Variants in C2CD4C observed in about 807,000 individuals in gnomAD.
The protein encoded by C2CD4C is C2 calcium dependent domain containing 4C, also known as C2 calcium-dependent domain-containing protein 4C.
In C2CD4C, 3 loss-of-function variants were observed where a neutral mutation model predicts 4.1. The observed-to-expected ratio is 0.73, with a 90% CI of 0.33 to 1.88. C2CD4C has a LOEUF of 1.88. Ranked by LOEUF, C2CD4C falls within the 40% of genes most tolerant of loss-of-function variation. The pLI, the probability that C2CD4C is intolerant of heterozygous loss-of-function variation, is 0.08. For synonymous variants in C2CD4C, 364 were observed against 290.4 expected, an observed-to-expected ratio of 1.25 and a Z score of -2.57; for missense variants, 664 against 621.5, an observed-to-expected ratio of 1.07 and a Z score of -0.73.
chr19:408,119 C>G lies in C2CD4C; in HGVS notation c.243G>C (p.Ala81=). 6.8e-7 allele frequency: 1 copy of G among 1,470,624 alleles called. No homozygotes were observed. The highest frequency in any genetic ancestry group is 1.4e-5 in the South Asian group (1 of 70,308). The allele number at this position is 1,470,624 out of a possible 1,614,324, so 91.1% of individuals were successfully genotyped here. A position where few individuals can be genotyped will look rare whatever the true frequency, so the allele number is the denominator to read the frequency against. The change falls in exon 2 of 2, where the codon GCG becomes GCC. Residue 81 remains alanine, a synonymous_variant. Coordinates refer to ENST00000332235, the MANE Select transcript of C2CD4C (RefSeq NM_001136263.2). ...PSTSEQNLAS[A]APRQTPRSPR... is the part of the protein sequence containing the mutation. ...GGCTCCGTGGGGTCTGGCGGGGGGCCGCAGAGGCCAGGTTCTGTTCCGACG... is the reference window on the plus strand; with the variant it reads ...GGCTCCGTGGGGTCTGGCGGGGGGCGGCAGAGGCCAGGTTCTGTTCCGACG...
At position 407,171 on chromosome 19, in the gene C2CD4C, C is replaced by T. The variant is rs1974004366; in HGVS notation, c.1191G>A (p.Lys397=). ...KLALRIKVVN[K]GSSLKRDTLL... ...GCGTGTCCCGCTTGAGGCTGCTGCCCTTGTTCACCACCTTGATCCTGAGGG... is the reference window on the plus strand; with the variant it reads ...GCGTGTCCCGCTTGAGGCTGCTGCCTTTGTTCACCACCTTGATCCTGAGGG... The change falls in exon 2 of 2, where the codon AAG becomes AAA. Residue 397 remains lysine (K), a synonymous_variant. Transcript: ENST00000332235. 6.5e-7 allele frequency: 1 copy of T among 1,550,252 alleles called. No individual in the cohort carries two copies. The highest frequency in any genetic ancestry group is 8.7e-7 in the Non-Finnish European group (1 of 1,146,880).
rs1389452982 is a variant in C2CD4C at position 408,320 on chromosome 19, C to G, written c.42G>C (p.Gly14=). 3 of 1,547,690 alleles carry G rather than the reference C, an allele frequency of 1.9e-6. No homozygotes were observed. ...CCCGGGCAGCACCGTTTTCCCCAGA[C>G]CCCCGAAGCCGCTCCAAGAACCACA... ...TNMWFLERLR[G]SGENGAARGV... Residue 14 remains glycine, a synonymous_variant, in exon 2 of 2, where the codon GGG becomes GGC. Coordinates refer to ENST00000332235, the MANE Select transcript of C2CD4C (RefSeq NM_001136263.2).
At chr19:408,756 A>G (rs968578963) in intron 1 of C2CD4C, among the ~76,000 whole-genome samples, 7 of 152,072 alleles carry the variant, frequency 4.6e-5, no homozygotes, top group Non-Finnish European at 1.0e-4. Flanking sequence ...CCAGGGGAAG[A>G]CACGGATGTG....
Position 407,400 on chromosome 19 carries a change from C to A in C2CD4C, c.962G>T (p.Arg321Leu). ...GGCGGCCAGCAGGTGCACCCGCAGG[C>A]GGGCCTGGCCGGCCTCGTACTCGGC... ...LLAEYEAGQA[R>L]LRVHLLAAEG... The change falls in exon 2 of 2, where the codon CGC (arginine) becomes CTC (leucine). Residue 321 changes from arginine (R) to leucine (L), a missense_variant. Arg to Leu is a moderately radical substitution (Grantham distance 102, BLOSUM62 -2). Coordinates refer to ENST00000332235, the MANE Select transcript of C2CD4C (RefSeq NM_001136263.2). The A allele has an allele frequency of 1.3e-6, 2 of 1,534,196 alleles. No individual in the cohort carries two copies. Among genetic ancestry groups the A allele is most frequent in the Non-Finnish European group, 1.7e-6 (2 of 1,144,254 alleles).
In C2CD4C at chr19:407,634, G is replaced by A. The variant is rs923395414; in HGVS notation, c.728C>T (p.Ala243Val). The A allele has an allele frequency of 4.7e-6, 7 of 1,476,368 alleles. No individual in the cohort carries two copies. The highest frequency in any genetic ancestry group is 2.9e-5 in the African/African-American group (2 of 68,344). The allele number at this position is 1,476,368 out of a possible 1,614,324, so 91.5% of individuals were successfully genotyped here. A position where few individuals can be genotyped will look rare whatever the true frequency, so the allele number is the denominator to read the frequency against. Residue 243 changes from alanine to valine, a missense_variant, in exon 2 of 2, where the codon GCC (alanine) becomes GTC (valine). Coordinates refer to ENST00000332235, the MANE Select transcript of C2CD4C (RefSeq NM_001136263.2). ...GCTCACCTTGGCCTGGCTGTCCTGGGCGAAACCTTTGAGCAGAGACACGGA... is the reference window on the plus strand; with the variant it reads ...GCTCACCTTGGCCTGGCTGTCCTGGACGAAACCTTTGAGCAGAGACACGGA... ...SRSVSLLKGF[A>V]QDSQAKVSQL...
In C2CD4C at chr19:407,577, G is replaced by A; in HGVS notation, c.785C>T (p.Ser262Phe). Residue 262 changes from serine to phenylalanine, a missense_variant, in exon 2 of 2, where the codon TCC becomes TTC. Physicochemically the swap from Ser to Phe is radical, Grantham distance 155 (BLOSUM62 -2). Transcript: ENST00000332235. The part of the protein sequence containing the change: ...QLRHSVGRHG[S>F]LSADDSTPDA... ...CGGGGTGCTGTCGTCCGCAGACAGG[G>A]AGCCGTGGCGGCCCACGGAGTGCCG... 7.0e-7 allele frequency: 1 copy of A among 1,426,776 alleles called. No homozygotes were observed. The highest frequency in any genetic ancestry group is 1.5e-5 in the South Asian group (1 of 66,152). The allele number at this position is 1,426,776 out of a possible 1,614,324, so 88.4% of individuals were successfully genotyped here.
chr19:407,033 G>T lies in C2CD4C; in HGVS notation c.*63C>A, dbSNP rs911857227. The T allele has an allele frequency of 9.8e-7, 1 of 1,025,026 alleles. No homozygotes were observed. The highest frequency in any genetic ancestry group is 1.3e-6 in the Non-Finnish European group (1 of 771,944). 63.5% of individuals were successfully genotyped at this position (1,025,026 alleles called of 1,614,324 possible). Reference sequence around the variant, plus strand: ...CCAGCGGACCCGCCCGCCAGCACCCGGTGTGGAGGAGAGACCGGGGTCTGC... The same window carrying T: ...CCAGCGGACCCGCCCGCCAGCACCCTGTGTGGAGGAGAGACCGGGGTCTGC... On this transcript the variant is annotated 3_prime_UTR_variant, in exon 2 of 2. Transcript: ENST00000332235.
In C2CD4C at chr19:407,246, G is replaced by A. The variant is rs979842692; in HGVS notation, c.1116C>T (p.Asn372=). The stretch of plus-strand genomic sequence containing the variant: ...CCAGGCCGTCGAAGAAGAAATCCTC[G>A]TTGAAGACGGGGCGGCGGCTGTTCT... ...IVKNSRRPVF[N]EDFFFDGLGP... Residue 372 remains asparagine (N), a synonymous_variant, in exon 2 of 2, where the codon AAC becomes AAT. Transcript: ENST00000332235. 13 of 1,550,122 alleles carry A rather than the reference G, an allele frequency of 8.4e-6. 1 individual carries two copies. The Middle Eastern group carries it at 5.0e-4, about 60-fold the overall frequency.
Position 407,535 on chromosome 19 carries a change from C to T in C2CD4C, c.827G>A (p.Ser276Asn), listed in dbSNP as rs1275259136. 7.2e-7 allele frequency: 1 copy of T among 1,387,170 alleles called. No homozygotes were observed. The highest frequency in any genetic ancestry group is 1.5e-5 in the African/African-American group (1 of 65,028). The allele number at this position is 1,387,170 out of a possible 1,614,324, so 85.9% of individuals were successfully genotyped here. A position where few individuals can be genotyped will look rare whatever the true frequency, so the allele number is the denominator to read the frequency against. The change falls in exon 2 of 2, where the codon AGC becomes AAC. Residue 276 changes from serine (S) to asparagine (N), a missense_variant. By Grantham distance (46) the Ser-to-Asn change is conservative (BLOSUM62 1). Coordinates refer to ENST00000332235, the MANE Select transcript of C2CD4C (RefSeq NM_001136263.2). ...TGCCCGGCGGGTCAGGCGGCGCCGGCTCCCGGGGCTGGCGTCCGGGGTGCT... is the reference window on the plus strand; with the variant it reads ...TGCCCGGCGGGTCAGGCGGCGCCGGTTCCCGGGGCTGGCGTCCGGGGTGCT... ...DDSTPDASPG[S>N]RRRLTRRAPP...
In C2CD4C at chr19:405,618, A is replaced by G. The variant is rs966632808; in HGVS notation, c.*1478T>C. 6.6e-6 allele frequency: 1 copy of G among 152,112 alleles called. No homozygotes were observed. Among genetic ancestry groups the G allele is most frequent in the Non-Finnish European group, 1.5e-5 (1 of 68,012 alleles). 9.4% of individuals were successfully genotyped at this position (152,112 alleles called of 1,614,324 possible). A position where few individuals can be genotyped will look rare whatever the true frequency, so the allele number is the denominator to read the frequency against. On this transcript the variant is annotated 3_prime_UTR_variant, in exon 2 of 2. Coordinates refer to ENST00000332235, the MANE Select transcript of C2CD4C (RefSeq NM_001136263.2). ...AGGGCCTGGGAGGGGTGAGCATCAG[A>G]GAAGGCGGGGAGCGCCGGCGTCTCT... is the stretch of plus-strand genomic sequence containing the variant.
At position 407,358 on chromosome 19, in the gene C2CD4C, C is replaced by T. The variant is rs1242830249; in HGVS notation, c.1004G>A (p.Arg335His). The T allele has an allele frequency of 1.0e-5, 16 of 1,544,902 alleles. No individual in the cohort carries two copies. Among genetic ancestry groups the T allele is most frequent in the Middle Eastern group, 1.7e-4 (1 of 5,990 alleles). Reference sequence around the variant, plus strand: ...GTTGATGCTGCGGGCGTCGCACAGGCGGTCGTAGAGGCCCTCGGCGGCCAG... The same window carrying T: ...GTTGATGCTGCGGGCGTCGCACAGGTGGTCGTAGAGGCCCTCGGCGGCCAG... Reference protein sequence around the residue: ...HLLAAEGLYDRLCDARSINCC... With the variant: ...HLLAAEGLYDHLCDARSINCC... Residue 335 changes from arginine to histidine, a missense_variant, in exon 2 of 2, where the codon CGC (arginine) becomes CAC (histidine). Coordinates refer to ENST00000332235, the MANE Select transcript of C2CD4C (RefSeq NM_001136263.2).
At position 407,170 on chromosome 19, in the gene C2CD4C, C is replaced by T; in HGVS notation, c.1192G>A (p.Gly398Ser). The change falls in exon 2 of 2, where the codon GGC (glycine) becomes AGC (serine). Residue 398 changes from glycine to serine, a missense_variant. Physicochemically the swap from Gly to Ser is moderately conservative, Grantham distance 56. Transcript: ENST00000332235. ...LALRIKVVNKGSSLKRDTLLG... is the reference protein window; with the variant it reads ...LALRIKVVNKSSSLKRDTLLG... ...AGCGTGTCCCGCTTGAGGCTGCTGCCCTTGTTCACCACCTTGATCCTGAGG... is the reference window on the plus strand; with the variant it reads ...AGCGTGTCCCGCTTGAGGCTGCTGCTCTTGTTCACCACCTTGATCCTGAGG... 7.7e-6 allele frequency: 12 copies of T among 1,550,238 alleles called. No homozygotes were observed. Among genetic ancestry groups the T allele is most frequent in the Non-Finnish European group, 1.0e-5 (12 of 1,146,874 alleles).
chr19:408,010 C>T lies in C2CD4C; in HGVS notation c.352G>A (p.Glu118Lys), dbSNP rs1974022221. 1 of 1,548,488 alleles carries T rather than the reference C, an allele frequency of 6.5e-7. No homozygotes were observed. The highest frequency in any genetic ancestry group is 1.7e-4 in the Middle Eastern group (1 of 5,812). ...TRHVIQIESA[E>K]DWLSEEATDA... is the part of the protein sequence containing the mutation. ...GTGGCCTCCTCGGACAGCCAGTCCT[C>T]GGCACTCTCGATCTGGATCACGTGC... Residue 118 changes from glutamate (E) to lysine (K), a missense_variant, in exon 2 of 2, where the codon GAG becomes AAG. By Grantham distance (56) the Glu-to-Lys change is moderately conservative. Coordinates refer to ENST00000332235, the MANE Select transcript of C2CD4C (RefSeq NM_001136263.2).
chr19:408,077 C>G lies in C2CD4C; in HGVS notation c.285G>C (p.Lys95Asn). The part of the protein sequence containing the change: ...QTPRSPRLPA[K>N]LAAESKSLLK... ...GCAGGCTCTTGCTCTCGGCTGCCAG[C>G]TTGGCAGGCAGCCGGGGGCTCCGTG... The change falls in exon 2 of 2, where the codon AAG (lysine) becomes AAC (asparagine). Residue 95 changes from lysine to asparagine, a missense_variant. Coordinates refer to ENST00000332235, the MANE Select transcript of C2CD4C (RefSeq NM_001136263.2). 6.6e-7 allele frequency: 1 copy of G among 1,504,928 alleles called. No homozygotes were observed. Among genetic ancestry groups the G allele is most frequent in the East Asian group, 2.5e-5 (1 of 40,478 alleles). The allele number at this position is 1,504,928 out of a possible 1,614,324, so 93.2% of individuals were successfully genotyped here.
In C2CD4C at chr19:406,990, G is replaced by A. The variant is rs543321893; in HGVS notation, c.*106C>T. On this transcript the variant is annotated 3_prime_UTR_variant, in exon 2 of 2. Transcript: ENST00000332235. Reference sequence around the variant, plus strand: ...CCAGCCTGAGTGTGAGCCCCTCCCCGGCCAGCCCCAGCCCAAGCCAGCGGA... The same window carrying A: ...CCAGCCTGAGTGTGAGCCCCTCCCCAGCCAGCCCCAGCCCAAGCCAGCGGA... The A allele has an allele frequency of 2.6e-4, 139 of 540,006 alleles. 5 individuals are homozygous for A. The highest frequency in any genetic ancestry group is 2.2e-3 in the African/African-American group (107 of 47,846). The allele number at this position is 540,006 out of a possible 1,614,324, so 33.5% of individuals were successfully genotyped here.
Position 407,025 on chromosome 19 carries a change from CAG to C in C2CD4C, c.*69_*70del. Reference sequence around the variant, plus strand: ...AGCCCAAGCCAGCGGACCCGCCCGCCAGCACCCGGTGTGGAGGAGAGACCGGG... The same window carrying C: ...AGCCCAAGCCAGCGGACCCGCCCGCCCACCCGGTGTGGAGGAGAGACCGGG... On this transcript the variant is annotated 3_prime_UTR_variant, in exon 2 of 2. Transcript: ENST00000332235. 3 of 1,411,212 alleles carry C rather than the reference CAG, an allele frequency of 2.1e-6. No individual in the cohort carries two copies. Among genetic ancestry groups the C allele is most frequent in the Non-Finnish European group, 2.8e-6 (3 of 1,066,862 alleles). 87.4% of individuals were successfully genotyped at this position (1,411,212 alleles called of 1,614,324 possible).
rs1005431890 is a variant in C2CD4C, at chr19:405,773, C to T, written c.*1323G>A. On this transcript the variant is annotated 3_prime_UTR_variant, in exon 2 of 2. Coordinates refer to ENST00000332235, the MANE Select transcript of C2CD4C (RefSeq NM_001136263.2). The stretch of plus-strand genomic sequence containing the variant: ...GGGCCTGCACTCTCCCTCTGGAGGG[C>T]TCACAGGTGTGTCCCACCGGACGTG... The T allele has an allele frequency of 6.6e-6, 1 of 152,278 alleles. No homozygotes were observed. The highest frequency in any genetic ancestry group is 1.5e-5 in the Non-Finnish European group (1 of 68,098). 9.4% of individuals were successfully genotyped at this position (152,278 alleles called of 1,614,324 possible).
Position 408,306 on chromosome 19 carries a change from C to A in C2CD4C, c.56G>T (p.Gly19Val). The change falls in exon 2 of 2, where the codon GGT (glycine) becomes GTT (valine). Residue 19 changes from glycine to valine, a missense_variant. Physicochemically the swap from Gly to Val is moderately radical, Grantham distance 109. Transcript: ENST00000332235. ...LERLRGSGEN[G>V]AARGVGSEAG... ...CTCACTCCCCACGCCCCGGGCAGCA[C>A]CGTTTTCCCCAGACCCCCGAAGCCG... is the stretch of plus-strand genomic sequence containing the variant. 1 of 1,547,160 alleles carries A rather than the reference C, an allele frequency of 6.5e-7. No homozygotes were observed. The highest frequency in any genetic ancestry group is 1.2e-5 in the South Asian group (1 of 83,938).
chr19:407,699 C>A lies in C2CD4C; in HGVS notation c.663G>T (p.Ser221=). The A allele has an allele frequency of 6.5e-7, 1 of 1,533,792 alleles. No homozygotes were observed. Among genetic ancestry groups the A allele is most frequent in the South Asian group, 1.2e-5 (1 of 81,510 alleles). The change falls in exon 2 of 2, where the codon TCG becomes TCT. Residue 221 remains serine (S), a synonymous_variant. Transcript: ENST00000332235. ...GGGACCCGAAGGGGGAGGACTCGGC[C>A]GAGGACCCTGTGTCGCTCTCCCCGC... The part of the protein sequence containing the change: ...FSGGESDTGS[S]AESSPFGSPL...
Sources: allele counts gnomAD v4.1 joint callset (sites outside exome capture counted in the v4.1 genomes callset), GRCh38; gene constraint gnomAD v4.1.1; transcripts MANE v1.5; gene names NCBI Gene and HGNC (gene_info 2026-07-23, HGNC 2026-07-21).